TNFRSF10B: variants seen among roughly 807,000 people sequenced by gnomAD.
The protein encoded by TNFRSF10B is TNF receptor superfamily member 10b.
Under a neutral mutation model 41.4 loss-of-function variants are expected in TNFRSF10B, and 35 were observed. The observed-to-expected ratio is 0.85, with a 90% CI of 0.65 to 1.12. TNFRSF10B has a LOEUF of 1.12. Among genes scored for constraint, TNFRSF10B ranks in the 50% most tolerant of loss-of-function variants. The pLI is 0.00. For missense variants in TNFRSF10B, 584 were observed against 552.7 expected, an observed-to-expected ratio of 1.06 and a Z score of -0.57; for synonymous variants, 230 against 215.5, an observed-to-expected ratio of 1.07 and a Z score of -0.59.
chr8:23,025,026 C>T (rs1265131101), intron 7 of TNFRSF10B, among the ~76,000 whole-genome samples: 1 of 152,160 alleles, frequency 6.6e-6, no homozygotes, highest in Non-Finnish European at 1.5e-5. Context: ...TGGCACAAAA[C>T]TGTCGTCCGA....
chr8:23,024,126 C>T (rs79625954), intron 8 of TNFRSF10B, 62 bp downstream of exon 8: 21,068 of 1,596,062 alleles, frequency 0.013, 170 homozygotes, highest in Middle Eastern at 0.031. Context: ...CTGGGGACAG[C>T]AGTTAGGACC....
rs559438850 is a variant in TNFRSF10B at position 23,021,431 on chromosome 8, A to T, written c.*1240T>A. ...TGGCAACCATTTCACACCATTCTCA[A>T]GCACCATCTACTCTTCCCCCTTGAT... On this transcript the variant is annotated 3_prime_UTR_variant, in exon 9 of 9. Transcript: ENST00000276431. 2.2e-6 allele frequency: 1 copy of T among 454,142 alleles called. No individual in the cohort carries two copies. Among genetic ancestry groups the T allele is most frequent in the Non-Finnish European group, 4.4e-6 (1 of 226,792 alleles). The allele number at this position is 454,142 out of a possible 1,614,324, so 28.1% of individuals were successfully genotyped here.
intron 1 of TNFRSF10B, among the ~76,000 whole-genome samples, chr8:23,052,328 C>A (rs1812546437): frequency 6.8e-6 from 1 of 147,718 alleles, no homozygotes; most frequent in African/African-American, 2.5e-5. Flanking sequence ...CTCTGTCACC[C>A]AGGCTGGAGT....
intron 1 of TNFRSF10B, among the ~76,000 whole-genome samples, chr8:23,061,155 T>C (rs1812821082): frequency 6.6e-6 from 1 of 152,240 alleles, no homozygotes; most frequent in East Asian, 1.9e-4. Context: ...TACACCTTCA[T>C]CATGACATAA....
chr8:23,042,812 G>A (rs1812244176), intron 2 of TNFRSF10B: 1 of 268,778 alleles, frequency 3.7e-6, no homozygotes, highest in East Asian at 8.2e-5. Flanking sequence ...CCTCCTAGGA[G>A]CACTCTTCCT....
chr8:23,029,461 G>C, intron 4 of TNFRSF10B, 149 bp downstream of exon 4: 1 of 744,136 alleles, frequency 1.3e-6, no homozygotes, highest in Non-Finnish European at 2.3e-6. Flanking sequence ...AGGGGGCAGG[G>C]GTGGTGACAC....
At chr8:23,033,978 A>G (rs1811960147) in intron 2 of TNFRSF10B, among the ~76,000 whole-genome samples, 1 of 152,168 alleles carries the variant, frequency 6.6e-6, no homozygotes, top group East Asian at 1.9e-4. Context: ...GCTTCAACAT[A>G]TGATTTTGGG....
At chr8:23,051,568 G>A (rs1812519072) in intron 1 of TNFRSF10B, among the ~76,000 whole-genome samples, 3 of 149,446 alleles carry the variant, frequency 2.0e-5, no homozygotes, top group East Asian at 2.0e-4. Flanking sequence ...TTTTTAAGAT[G>A]GAGTCTCGCT....
At chr8:23,024,036 G>A in intron 8 of TNFRSF10B, 152 bp downstream of exon 8, 1 of 903,738 alleles carries the variant, frequency 1.1e-6, no homozygotes, top group Non-Finnish European at 1.8e-6. Context: ...GATGGGAGAA[G>A]ACAGTTTAGG....
At chr8:23,060,641 A>G (rs955573721) in intron 1 of TNFRSF10B, among the ~76,000 whole-genome samples, 11 of 152,206 alleles carry the variant, frequency 7.2e-5, no homozygotes, top group African/African-American at 2.7e-4. Flanking sequence ...GAAATTCCAT[A>G]TGAATTTTAG....
chr8:23,028,865 G>C (rs969816307), intron 4 of TNFRSF10B, among the ~76,000 whole-genome samples: 3 of 152,068 alleles, frequency 2.0e-5, no homozygotes, highest in Non-Finnish European at 4.4e-5. Context: ...CACACACTGA[G>C]CTTCCCTGGG....
At chr8:23,064,750 C>G (rs1016263869) in intron 1 of TNFRSF10B, among the ~76,000 whole-genome samples, 11 of 152,196 alleles carry the variant, frequency 7.2e-5, no homozygotes, top group African/African-American at 2.4e-4. Context: ...CTCTTCTTTC[C>G]TCTCTGAGTC....
chr8:23,020,522 T>C lies in TNFRSF10B; in HGVS notation c.*2149A>G, dbSNP rs1186418316. On this transcript the variant is annotated 3_prime_UTR_variant, in exon 9 of 9. Coordinates refer to ENST00000276431, the MANE Select transcript of TNFRSF10B (RefSeq NM_003842.5). ...GCCTGACCAACATGGTGAAACCCCG[T>C]CTCTACTAAAAATACAAAAATTAGC... The C allele has an allele frequency of 4.4e-6, 2 of 449,504 alleles. No individual in the cohort carries two copies. The highest frequency in any genetic ancestry group is 7.0e-5 in the East Asian group (1 of 14,314). The allele number at this position is 449,504 out of a possible 1,614,324, so 27.8% of individuals were successfully genotyped here. A position where few individuals can be genotyped will look rare whatever the true frequency, so the allele number is the denominator to read the frequency against.
At chr8:23,027,057 A>G in intron 7 of TNFRSF10B, 76 bp downstream of exon 7, 1 of 1,605,386 alleles carries the variant, frequency 6.2e-7, no homozygotes, top group Non-Finnish European at 8.5e-7. Flanking sequence ...GAGCTAAGGC[A>G]CTGCCCTCTC....
At chr8:23,034,511 G>C (rs550781053) in intron 2 of TNFRSF10B, among the ~76,000 whole-genome samples, 233 of 152,316 alleles carry the variant, frequency 1.5e-3, no homozygotes, top group African/African-American at 5.5e-3. Flanking sequence ...AGGATTACTT[G>C]AGGCCAGGGG....
chr8:23,048,485 T>C (rs1465194548), intron 1 of TNFRSF10B, among the ~76,000 whole-genome samples: 1 of 144,012 alleles, frequency 6.9e-6, no homozygotes, highest in Non-Finnish European at 1.5e-5. Flanking sequence ...GAGAATAGAA[T>C]GGTGGTTACT....
chr8:23,048,525 G>A (rs922258537), intron 1 of TNFRSF10B, among the ~76,000 whole-genome samples: 1 of 151,802 alleles, frequency 6.6e-6, no homozygotes, highest in Non-Finnish European at 1.5e-5. Context: ...ATGGGGAGAT[G>A]ATAATCAAAG....
chr8:23,053,001 A>G (rs1427756043), intron 1 of TNFRSF10B, among the ~76,000 whole-genome samples: 1 of 152,246 alleles, frequency 6.6e-6, no homozygotes, highest in Non-Finnish European at 1.5e-5. Flanking sequence ...GGATGTTTAG[A>G]ACAAGTCAGA....
chr8:23,059,739 C>T (rs559871495), intron 1 of TNFRSF10B, among the ~76,000 whole-genome samples: 3 of 152,076 alleles, frequency 2.0e-5, no homozygotes, highest in Admixed American at 6.6e-5. Context: ...GTCTCAATCT[C>T]CTGACCTCGT....
Sources: allele counts gnomAD v4.1 joint callset (sites outside exome capture counted in the v4.1 genomes callset), GRCh38; gene constraint gnomAD v4.1.1; transcripts MANE v1.5; gene names NCBI Gene and HGNC (gene_info 2026-07-23, HGNC 2026-07-21).